Variants in MYO5B observed in about 807,000 individuals in gnomAD.
The protein encoded by MYO5B is unconventional myosin-Vb.
Under a neutral mutation model 229.3 loss-of-function variants are expected in MYO5B, and 143 were observed. The observed-to-expected ratio is 0.62, with a 90% confidence interval of 0.54 to 0.72. The LOEUF is 0.72. MYO5B is among the 30% of genes least tolerant of loss of function. The pLI is 0.00. For missense variants in MYO5B, 2,321 were observed against 2,331.0 expected (o/e 1.00, Z 0.09); for synonymous variants, 918 against 885.2 (o/e 1.04, Z -0.66).
At chr18:50,056,521 A>C (rs770547568) in intron 1 of MYO5B, among the ~76,000 whole-genome samples, 5 of 152,142 alleles carry the variant, frequency 3.3e-5, no homozygotes, top group Non-Finnish European at 7.4e-5. Flanking sequence ...ACACACATAC[A>C]TCTGGCTTCT....
At chr18:50,080,563 C>T (rs900389401) in intron 1 of MYO5B, among the ~76,000 whole-genome samples, 3 of 152,180 alleles carry the variant, frequency 2.0e-5, no homozygotes. Context: ...GGCCACATGC[C>T]ACTTGTAGGC....
chr18:50,017,367 C>T (rs2026227200), intron 4 of MYO5B, among the ~76,000 whole-genome samples: 1 of 152,160 alleles, frequency 6.6e-6, no homozygotes, highest in African/African-American at 2.4e-5. Context: ...TCAAATGATC[C>T]ACCCGCCTTG....
chr18:50,045,514 C>G (rs946555410), intron 2 of MYO5B, among the ~76,000 whole-genome samples: 3 of 152,172 alleles, frequency 2.0e-5, no homozygotes, highest in African/African-American at 7.2e-5. Flanking sequence ...CTGCCTCGGC[C>G]TCCCAAGTAG....
At chr18:49,831,711 G>A (rs1000996478) in intron 39 of MYO5B, among the ~76,000 whole-genome samples, 1 of 152,124 alleles carries the variant, frequency 6.6e-6, no homozygotes, top group Non-Finnish European at 1.5e-5. Context: ...TCCTCAAAAA[G>A]TTAAATATAG....
chr18:49,863,514 A>G (rs950181608), intron 28 of MYO5B, among the ~76,000 whole-genome samples, 187 bp from the exon 29 acceptor site: 3 of 152,196 alleles, frequency 2.0e-5, no homozygotes, highest in Admixed American at 6.5e-5. Flanking sequence ...ACACAGAACA[A>G]CGAGGCCAGG....
chr18:50,035,530 G>A (rs758544452), intron 4 of MYO5B, among the ~76,000 whole-genome samples: 5 of 152,202 alleles, frequency 3.3e-5, no homozygotes, highest in Middle Eastern at 3.4e-3. Flanking sequence ...CCATACCCGC[G>A]GCCTCCAACA....
At position 49,859,188 on chromosome 18, in the gene MYO5B, C is replaced by T. The variant is rs627338; in HGVS notation, c.3945-2298G>A. ...CCGTGGCCCGGGCTAATCACCTCCA[C>T]GCCCTGGGCCTCTCTTTCTTTACGG... On this transcript the variant is annotated intron_variant, in intron 29 of 39. Transcript: ENST00000285039. 2.8e-3 allele frequency among the ~76,000 whole-genome samples: 431 copies of T among 152,340 alleles called. 3 individuals carry two copies. The highest frequency in any genetic ancestry group is 0.01 in the African/African-American group (418 of 41,576).
At chr18:49,992,182 G>A in intron 6 of MYO5B, 106 bp downstream of exon 6, 1 of 1,465,306 alleles carries the variant, frequency 6.8e-7, no homozygotes, top group Non-Finnish European at 9.6e-7. Context: ...TTCAATTCCA[G>A]GCTCACAAGA....
At chr18:50,129,397 T>C (rs1316458384) in intron 1 of MYO5B, among the ~76,000 whole-genome samples, 1 of 152,128 alleles carries the variant, frequency 6.6e-6, no homozygotes, top group African/African-American at 2.4e-5. Context: ...ACACCATATA[T>C]ATTCCATGAA....
chr18:50,050,307 G>C (rs1403568886), intron 2 of MYO5B, among the ~76,000 whole-genome samples: 1 of 152,126 alleles, frequency 6.6e-6, no homozygotes, highest in Non-Finnish European at 1.5e-5. Context: ...GTGCACAGCA[G>C]GCATTTAAGT....
At chr18:49,859,074 C>T (rs1206355983) in intron 29 of MYO5B, among the ~76,000 whole-genome samples, 2 of 152,204 alleles carry the variant, frequency 1.3e-5, no homozygotes, top group Non-Finnish European at 2.9e-5. Context: ...AGTCAGTCTC[C>T]AGCCACAGGG....
At chr18:49,911,704 C>T (rs1029427109) in intron 18 of MYO5B, among the ~76,000 whole-genome samples, 1 of 152,112 alleles carries the variant, frequency 6.6e-6, no homozygotes, top group Non-Finnish European at 1.5e-5. Context: ...TGGCTCAGAC[C>T]CTCAGCTGAA....
rs891903580 is a variant in MYO5B, at chr18:50,140,199, A to G, written c.27+54568T>C. 3.7e-4 allele frequency among the ~76,000 whole-genome samples: 57 copies of G among 152,364 alleles called. 1 individual carries two copies. Among genetic ancestry groups the G allele is most frequent in the Non-Finnish European group, 5.3e-4 (36 of 68,036 alleles). On this transcript the variant is annotated intron_variant, in intron 1 of 39. Transcript: ENST00000285039. ...CTGTTTGGTTCTAGATACCACATCT[A>G]AAATAACTTTATGCTTCTTGCTCTA...
chr18:50,077,981 G>C (rs11873930), intron 1 of MYO5B, among the ~76,000 whole-genome samples: 14,182 of 152,220 alleles, frequency 0.093, 1,214 homozygotes, highest in African/African-American at 0.23. Context: ...AGCACAAAAG[G>C]CATCACAGCC....
chr18:49,872,951 G>C (rs1204519352), intron 26 of MYO5B, among the ~76,000 whole-genome samples: 1 of 152,198 alleles, frequency 6.6e-6, no homozygotes, highest in South Asian at 2.1e-4. Context: ...CTAGTAACAA[G>C]GCTAACAAGT....
chr18:50,008,365 G>A (rs775002572), intron 4 of MYO5B, among the ~76,000 whole-genome samples: 5 of 152,288 alleles, frequency 3.3e-5, no homozygotes, highest in Admixed American at 6.5e-5. Context: ...TTGGATGAGT[G>A]GTCTGGCACC....
chr18:49,902,266 C>G (rs1568024201), intron 21 of MYO5B, among the ~76,000 whole-genome samples: 1 of 139,612 alleles, frequency 7.2e-6, no homozygotes, highest in Non-Finnish European at 1.5e-5. Flanking sequence ...TGAACTTGAT[C>G]CTCCAGCCTC....
intron 22 of MYO5B, among the ~76,000 whole-genome samples, chr18:49,881,886 T>A (rs1012643825): frequency 6.6e-6 from 1 of 152,118 alleles, no homozygotes; most frequent in Admixed American, 6.5e-5. Context: ...TATGGGTTTT[T>A]AAAAAGTAAC....
chr18:49,839,225 G>A lies in MYO5B; in HGVS notation c.4771C>T (p.Arg1591Cys), dbSNP rs1415396218. 1.9e-6 allele frequency: 3 copies of A among 1,614,100 alleles called. No homozygotes were observed. Among genetic ancestry groups the A allele is most frequent in the Non-Finnish European group, 2.5e-6 (3 of 1,179,982 alleles). ...ATGGAAAGGTCACTCAGCACCTGAC[G>A]GTATTCGGTGAGGTCAAAATTCTTA... ...CLKNFDLTEY[R>C]QVLSDLSIQI... The change falls in exon 36 of 40, where the codon CGT (arginine) becomes TGT (cysteine). Residue 1591 changes from arginine (R) to cysteine (C), a missense_variant. Arg to Cys is a radical substitution (Grantham distance 180). Transcript: ENST00000285039.
Sources: gnomAD v4.1 joint callset for allele counts (sites outside exome capture counted in the v4.1 genomes callset) on GRCh38, gnomAD v4.1.1 for gene constraint, MANE v1.5 for transcripts, NCBI Gene and HGNC (gene_info 2026-07-23, HGNC 2026-07-21) for gene names.